Variants in CADM1 observed in about 807,000 individuals in gnomAD.
The protein encoded by CADM1 is cell adhesion molecule 1.
In CADM1, 15 loss-of-function variants were observed where a neutral mutation model predicts 53.1. The observed-to-expected ratio is 0.28, with a 90% CI of 0.19 to 0.44. The LOEUF (loss-of-function observed/expected upper bound fraction) is 0.44. Ranked by LOEUF, CADM1 falls within the 20% of genes least tolerant of loss-of-function variation. The pLI, the probability that CADM1 is intolerant of heterozygous loss-of-function variation, is 1.00. For missense variants in CADM1, 434 were observed against 611.3 expected (o/e 0.71, Z 3.06); for synonymous variants, 281 against 243.0 (o/e 1.16, Z -1.45).
At chr11:115,346,050 T>C (rs1945567858) in intron 1 of CADM1, among the ~76,000 whole-genome samples, 1 of 152,182 alleles carries the variant, frequency 6.6e-6, no homozygotes, top group Non-Finnish European at 1.5e-5. Context: ...AGACAGCCTC[T>C]GATGGGCTCT....
At chr11:115,195,839 G>C (rs751526783) in intron 9 of CADM1, among the ~76,000 whole-genome samples, 11 of 152,154 alleles carry the variant, frequency 7.2e-5, no homozygotes, top group Non-Finnish European at 1.0e-4. Flanking sequence ...GTGGGTTAAA[G>C]AGTATGCTCT....
intron 1 of CADM1, among the ~76,000 whole-genome samples, chr11:115,479,876 C>T (rs1949221083): frequency 6.6e-6 from 1 of 152,124 alleles, no homozygotes; most frequent in South Asian, 2.1e-4. Flanking sequence ...ACAATATTAA[C>T]CTTAACACTC....
chr11:115,260,227 G>A (rs1418078637), intron 1 of CADM1, among the ~76,000 whole-genome samples: 1 of 152,068 alleles, frequency 6.6e-6, no homozygotes, highest in African/African-American at 2.4e-5. Context: ...ACCATGCCCG[G>A]CCACCCTTTT....
intron 1 of CADM1, among the ~76,000 whole-genome samples, chr11:115,257,264 C>T (rs980771142): frequency 1.6e-4 from 25 of 152,194 alleles, no homozygotes; most frequent in African/African-American, 5.3e-4. Context: ...ACCAGGGACT[C>T]TTTGTAGCAC....
At chr11:115,381,457 T>G (rs541806843) in intron 1 of CADM1, among the ~76,000 whole-genome samples, 150 of 152,250 alleles carry the variant, frequency 9.9e-4, no homozygotes, top group Non-Finnish European at 1.6e-3. Context: ...GTTAACCCAC[T>G]AATCACTGAG....
intron 1 of CADM1, among the ~76,000 whole-genome samples, chr11:115,490,553 CA>C (rs905500745): frequency 6.6e-6 from 1 of 151,994 alleles, no homozygotes; most frequent in Non-Finnish European, 1.5e-5. Context: ...CGCCTACCAC[CA>C]CGCCCGGCTA....
chr11:115,317,286 A>G (rs1944692517), intron 1 of CADM1, among the ~76,000 whole-genome samples: 1 of 152,196 alleles, frequency 6.6e-6, no homozygotes, highest in African/African-American at 2.4e-5. Context: ...GTCAAACTGA[A>G]TACACAACAC....
Position 115,173,853 on chromosome 11 carries a change from T to G in CADM1, c.*2621A>C. 1.0e-6 allele frequency: 1 copy of G among 977,424 alleles called. No homozygotes were observed. The highest frequency in any genetic ancestry group is 1.2e-6 in the Non-Finnish European group (1 of 822,662). 60.5% of individuals were successfully genotyped at this position (977,424 alleles called of 1,614,324 possible). On this transcript the variant is annotated 3_prime_UTR_variant, in exon 12 of 12. Coordinates refer to ENST00000331581, the MANE Select transcript of CADM1 (RefSeq NM_001301043.2). The stretch of plus-strand genomic sequence containing the variant: ...TCGGTGTGACTAAAGAACAAGCTTA[T>G]TTGGCATCAATTATACATCCTTCAT...
chr11:115,472,448 TA>T (rs141742043), intron 1 of CADM1, among the ~76,000 whole-genome samples: 2,824 of 152,228 alleles, frequency 0.019, 90 homozygotes, highest in African/African-American at 0.061. Flanking sequence ...TATATGTATA[TA>T]GGGGGGGGTG....
chr11:115,176,939 A>G (rs567719745), intron 11 of CADM1, among the ~76,000 whole-genome samples: 6 of 152,348 alleles, frequency 3.9e-5, no homozygotes, highest in African/African-American at 1.2e-4. Flanking sequence ...CCAATGACCA[A>G]TGACCAGATA....
intron 1 of CADM1, among the ~76,000 whole-genome samples, chr11:115,383,315 C>T (rs1015272553): frequency 2.0e-5 from 3 of 152,054 alleles, no homozygotes; most frequent in Admixed American, 6.6e-5. Flanking sequence ...ATATTCAATG[C>T]GAAAGGAAAT....
At chr11:115,453,999 A>G (rs1948632021) in intron 1 of CADM1, among the ~76,000 whole-genome samples, 1 of 152,110 alleles carries the variant, frequency 6.6e-6, no homozygotes, top group South Asian at 2.1e-4. Flanking sequence ...ACATGAGAAT[A>G]GAGATGAAAG....
intron 1 of CADM1, among the ~76,000 whole-genome samples, chr11:115,491,457 C>T (rs1011430303): frequency 4.6e-5 from 7 of 151,758 alleles, no homozygotes; most frequent in Admixed American, 1.3e-4. Flanking sequence ...CCCACCTACT[C>T]GGGAGGCTGA....
chr11:115,390,656 G>A (rs1946812950), intron 1 of CADM1, among the ~76,000 whole-genome samples: 2 of 148,008 alleles, frequency 1.4e-5, no homozygotes, highest in South Asian at 4.3e-4. Context: ...ACCAGCAAAA[G>A]GTTAGGCTAC....
chr11:115,470,494 T>G (rs1948988085), intron 1 of CADM1, among the ~76,000 whole-genome samples: 1 of 152,196 alleles, frequency 6.6e-6, no homozygotes, highest in Non-Finnish European at 1.5e-5. Flanking sequence ...AATGGAAAAT[T>G]TTTAAGAAAT....
At chr11:115,181,113 A>G (rs966527955) in intron 10 of CADM1, among the ~76,000 whole-genome samples, 11 of 144,052 alleles carry the variant, frequency 7.6e-5, no homozygotes, top group Admixed American at 4.2e-4. Context: ...CACTCTTAAT[A>G]AAAGACCGCC....
At chr11:115,486,174 C>T (rs887119376) in intron 1 of CADM1, among the ~76,000 whole-genome samples, 1 of 152,136 alleles carries the variant, frequency 6.6e-6, no homozygotes, top group Non-Finnish European at 1.5e-5. Flanking sequence ...TATTATACTC[C>T]TAACCAATCT....
chr11:115,297,555 A>G (rs1338617930), intron 1 of CADM1, among the ~76,000 whole-genome samples: 1 of 152,242 alleles, frequency 6.6e-6, no homozygotes, highest in Non-Finnish European at 1.5e-5. Flanking sequence ...AGCCACAGAT[A>G]AAATCATACA....
chr11:115,442,613 T>TACA (rs1474354005), intron 1 of CADM1, among the ~76,000 whole-genome samples: 1 of 152,224 alleles, frequency 6.6e-6, no homozygotes, highest in Non-Finnish European at 1.5e-5. Context: ...TCATTGAGTT[T>TACA]ACTCCTCCTA....
Sources: gnomAD v4.1 joint callset for allele counts (sites outside exome capture counted in the v4.1 genomes callset) on GRCh38, gnomAD v4.1.1 for gene constraint, MANE v1.5 for transcripts, NCBI Gene and HGNC (gene_info 2026-07-23, HGNC 2026-07-21) for gene names.